Variants in SGCZ observed in about 807,000 individuals in gnomAD.
The protein encoded by SGCZ is zeta-sarcoglycan.
A neutral mutation model predicts 41.3 loss-of-function variants in SGCZ; 40 were observed. The observed-to-expected ratio is 0.97, with a 90% CI of 0.75 to 1.26. The LOEUF is 1.26. SGCZ is among the 50% of genes most tolerant of loss of function. SGCZ has a pLI of 0.00. For synonymous variants in SGCZ, 206 were observed against 137.5 expected, an observed-to-expected ratio of 1.50 and a Z score of -3.49; for missense variants, 552 against 369.8, an observed-to-expected ratio of 1.49 and a Z score of -4.04.
In SGCZ at chr8:14,150,018, A is replaced by T. The variant is rs531997264; in HGVS notation, c.547+14562T>A. On this transcript the variant is annotated intron_variant, in intron 5 of 7. Transcript: ENST00000382080. The stretch of plus-strand genomic sequence containing the variant: ...CCCCTATCTCTTGCCATATACAATA[A>T]ACAAATCAAAATGGATTAAAGACTT... 3.3e-5 allele frequency among the ~76,000 whole-genome samples: 5 copies of T among 152,278 alleles called. No homozygotes were observed. In the East Asian group the frequency reaches 9.6e-4, roughly 29 times the overall value.
intron 2 of SGCZ, among the ~76,000 whole-genome samples, chr8:14,486,223 C>T (rs562593376): frequency 9.2e-5 from 14 of 152,170 alleles, no homozygotes; most frequent in Non-Finnish European, 1.9e-4. Context: ...TACACTTCCT[C>T]TCCCCCTTGA....
At chr8:15,043,694 A>C (rs1804195001) in intron 1 of SGCZ, among the ~76,000 whole-genome samples, 1 of 152,162 alleles carries the variant, frequency 6.6e-6, no homozygotes, top group African/African-American at 2.4e-5. Flanking sequence ...TTTCATATAC[A>C]AACATGAGGA....
At chr8:14,586,099 C>G (rs369350930) in intron 1 of SGCZ, among the ~76,000 whole-genome samples, 1 of 152,170 alleles carries the variant, frequency 6.6e-6, no homozygotes, top group Admixed American at 6.5e-5. Context: ...TAACTATACA[C>G]GCAGCTGAGA....
chr8:14,360,671 T>C (rs1027379016), intron 2 of SGCZ, among the ~76,000 whole-genome samples: 2 of 152,074 alleles, frequency 1.3e-5, no homozygotes, highest in Non-Finnish European at 2.9e-5. Context: ...GTAGTACCCA[T>C]GGTATGGATG....
At chr8:15,099,862 A>G (rs113819892) in intron 1 of SGCZ, among the ~76,000 whole-genome samples, 12 of 152,282 alleles carry the variant, frequency 7.9e-5, no homozygotes, top group African/African-American at 2.9e-4. Context: ...ACATGATCAT[A>G]TCAATAAATG....
intron 3 of SGCZ, among the ~76,000 whole-genome samples, chr8:14,269,146 A>T (rs1306092918): frequency 6.6e-6 from 1 of 152,116 alleles, no homozygotes; most frequent in Non-Finnish European, 1.5e-5. Context: ...TAAATTTGGG[A>T]ATTAGTCTGC....
chr8:14,851,391 GA>G (rs1215376260), intron 1 of SGCZ, among the ~76,000 whole-genome samples: 3 of 105,094 alleles, frequency 2.9e-5, no homozygotes, highest in South Asian at 3.2e-4. Context: ...AAAAAAAAAA[GA>G]AAAAAAGAAA....
At chr8:14,764,253 T>C (rs1799974433) in intron 1 of SGCZ, among the ~76,000 whole-genome samples, 1 of 152,174 alleles carries the variant, frequency 6.6e-6, no homozygotes. Flanking sequence ...AAATCACCCT[T>C]TGGAAAGCCC....
At chr8:14,373,613 T>A (rs184229761) in intron 2 of SGCZ, among the ~76,000 whole-genome samples, 24 of 152,166 alleles carry the variant, frequency 1.6e-4, no homozygotes, top group Admixed American at 1.5e-3. Flanking sequence ...TCAAAAACAA[T>A]TTTGAAGGAA....
At chr8:14,603,675 A>T (rs77505244) in intron 1 of SGCZ, among the ~76,000 whole-genome samples, 18,215 of 152,102 alleles carry the variant, frequency 0.12, 1,213 homozygotes, top group African/African-American at 0.19. Flanking sequence ...TGATTGATTA[A>T]TTTTTCTTGA....
intron 1 of SGCZ, among the ~76,000 whole-genome samples, chr8:14,977,974 C>A (rs1395972590): frequency 2.6e-5 from 4 of 150,962 alleles, no homozygotes; most frequent in Non-Finnish European, 4.4e-5. Context: ...AATTTGATTC[C>A]ATTTCTTTAT....
At chr8:15,195,537 C>G (rs1453798528) in intron 1 of SGCZ, among the ~76,000 whole-genome samples, 1 of 152,170 alleles carries the variant, frequency 6.6e-6, no homozygotes, top group Non-Finnish European at 1.5e-5. Context: ...CATCAGCCTC[C>G]TCTTTCACAA....
chr8:14,117,134 T>C (rs1426048542), intron 5 of SGCZ, among the ~76,000 whole-genome samples: 1 of 152,096 alleles, frequency 6.6e-6, no homozygotes, highest in Non-Finnish European at 1.5e-5. Context: ...TTTAAAGATG[T>C]ATCTTTAAAG....
chr8:14,157,270 A>T (rs1291669718), intron 5 of SGCZ, among the ~76,000 whole-genome samples: 1 of 149,036 alleles, frequency 6.7e-6, no homozygotes, highest in Non-Finnish European at 1.5e-5. Context: ...TTTTATATAT[A>T]TATAAAATGT....
At chr8:14,423,554 T>C (rs1585490273) in intron 2 of SGCZ, among the ~76,000 whole-genome samples, 1 of 152,058 alleles carries the variant, frequency 6.6e-6, no homozygotes, top group African/African-American at 2.4e-5. Context: ...GTAGCTGGGA[T>C]TACAGGCATA....
chr8:14,130,778 A>C (rs188272726), intron 5 of SGCZ, among the ~76,000 whole-genome samples: 12 of 152,192 alleles, frequency 7.9e-5, no homozygotes, highest in Admixed American at 6.5e-4. Context: ...AGAAAAAGGG[A>C]CCGTACCTGG....
rs538727281 is a variant in SGCZ, at chr8:14,161,095, T to G, written c.547+3485A>C. 6.6e-5 allele frequency among the ~76,000 whole-genome samples: 10 copies of G among 152,328 alleles called. No homozygotes were observed. The East Asian group carries it at 1.9e-3, about 29-fold the overall frequency. ...AAGTCCTGTCAGCACAGGTATCTAA[T>G]TTATATGAAGCACCCTGGAGTCAAT... is the stretch of plus-strand genomic sequence containing the variant. On this transcript the variant is annotated intron_variant, in intron 5 of 7. Transcript: ENST00000382080.
chr8:14,555,575 A>G (rs1804009906), intron 1 of SGCZ, among the ~76,000 whole-genome samples: 1 of 152,042 alleles, frequency 6.6e-6, no homozygotes, highest in Admixed American at 6.6e-5. Flanking sequence ...CTAGGAGCCA[A>G]TTAAACCTCT....
intron 3 of SGCZ, among the ~76,000 whole-genome samples, chr8:14,259,785 G>A (rs1028513574): frequency 6.6e-6 from 1 of 150,388 alleles, no homozygotes; most frequent in African/African-American, 2.4e-5. Flanking sequence ...GATTGACTTG[G>A]CGATGCGGGC....
Sources: allele counts gnomAD v4.1 joint callset (sites outside exome capture counted in the v4.1 genomes callset), GRCh38; gene constraint gnomAD v4.1.1; transcripts MANE v1.5; gene names NCBI Gene and HGNC (gene_info 2026-07-23, HGNC 2026-07-21).